DLG2: variants seen among roughly 807,000 people sequenced by gnomAD.
DLG2 encodes discs large MAGUK scaffold protein 2, also known as disks large homolog 2.
DLG2 carries 45 observed loss-of-function variants against 132.5 expected under a neutral mutation model. The observed-to-expected ratio is 0.34, with a 90% CI of 0.27 to 0.44. The LOEUF is 0.44. Ranked by LOEUF, DLG2 falls within the 20% of genes least tolerant of loss-of-function variation. The probability of loss-of-function intolerance (pLI) is 1.00; values close to 1 mark genes in which losing one functional copy is unlikely to be tolerated. For missense variants in DLG2, 1,045 were observed against 1,196.9 expected, an observed-to-expected ratio of 0.87 and a Z score of 1.87; for synonymous variants, 424 against 419.6, an observed-to-expected ratio of 1.01 and a Z score of -0.13.
At chr11:84,255,660 T>C (rs937476021) in intron 7 of DLG2, among the ~76,000 whole-genome samples, 9 of 152,180 alleles carry the variant, frequency 5.9e-5, no homozygotes, top group Admixed American at 3.9e-4. Context: ...TCCTCTTTAA[T>C]TGGATGCCTA....
intron 16 of DLG2, among the ~76,000 whole-genome samples, chr11:83,866,969 A>AT (rs2062510571): frequency 6.6e-6 from 1 of 152,074 alleles, no homozygotes; most frequent in African/African-American, 2.4e-5. Context: ...TTATTCCTCC[A>AT]TTTTTTCTAA....
intron 12 of DLG2, among the ~76,000 whole-genome samples, chr11:83,976,388 A>G (rs2092217195): frequency 6.6e-6 from 1 of 151,992 alleles, no homozygotes; most frequent in Non-Finnish European, 1.5e-5. Context: ...AGAGAAAAAT[A>G]TGCAGAGTGT....
intron 8 of DLG2, among the ~76,000 whole-genome samples, chr11:84,232,258 T>G (rs1269004627): frequency 6.6e-6 from 1 of 152,070 alleles, no homozygotes; most frequent in African/African-American, 2.4e-5. Context: ...TCAGAGCGCT[T>G]ACTATTTTAT....
At position 85,132,915 on chromosome 11, in the gene DLG2, G is replaced by A. The variant is rs76463103; in HGVS notation, c.283-21180C>T. ...AGCAGAGCTTGGATTCTGTACAGAC[G>A]GCTTTTCCAAGGGGGCCCCTCATGG... is the stretch of plus-strand genomic sequence containing the variant. On this transcript the variant is annotated intron_variant, in intron 5 of 27. Coordinates refer to ENST00000376104, the MANE Select transcript of DLG2 (RefSeq NM_001142699.3). The A allele has an allele frequency of 2.3e-3, 1,010 of 440,156 alleles. 1 individual carries two copies. Among genetic ancestry groups the A allele is most frequent in the Non-Finnish European group, 3.5e-3 (765 of 216,854 alleles). 27.3% of individuals were successfully genotyped at this position (440,156 alleles called of 1,614,324 possible).
intron 6 of DLG2, among the ~76,000 whole-genome samples, chr11:84,567,615 G>A (rs565190806): frequency 2.0e-5 from 3 of 152,200 alleles, no homozygotes; most frequent in South Asian, 2.1e-4. Context: ...ATGCATATCT[G>A]CCATACTGTT....
intron 7 of DLG2, among the ~76,000 whole-genome samples, chr11:84,378,786 A>G (rs2098739184): frequency 6.6e-6 from 1 of 151,318 alleles, no homozygotes; most frequent in Non-Finnish European, 1.5e-5. Flanking sequence ...AAAAATACAA[A>G]AAAAAAAAAT....
intron 2 of DLG2, among the ~76,000 whole-genome samples, chr11:85,625,978 G>GA (rs1371571533): frequency 6.6e-6 from 1 of 152,090 alleles, no homozygotes; most frequent in South Asian, 2.1e-4. Flanking sequence ...GAGGAGGGAG[G>GA]AAAAAAACAG....
intron 7 of DLG2, among the ~76,000 whole-genome samples, chr11:84,350,627 G>A (rs2098560011): frequency 6.6e-6 from 1 of 152,160 alleles, no homozygotes; most frequent in Non-Finnish European, 1.5e-5. Flanking sequence ...TTAGCATATA[G>A]TTATACAGTT....
Position 84,700,244 on chromosome 11 carries a change from T to C in DLG2, c.358-165513A>G, listed in dbSNP as rs563996755. Among the ~76,000 whole-genome samples the C allele has an allele frequency of 1.1e-4, 17 of 151,668 alleles. No homozygotes were observed. In the South Asian group the frequency reaches 3.5e-3, roughly 31 times the overall value. ...AATTATAGCATCAAGAGAAAATAAT[T>C]ACTCAAGATAATTTGGAGTACACTG... On this transcript the variant is annotated intron_variant, in intron 6 of 27. Transcript: ENST00000376104.
intron 6 of DLG2, among the ~76,000 whole-genome samples, chr11:84,584,349 T>C (rs896564419): frequency 1.3e-5 from 2 of 151,958 alleles, no homozygotes; most frequent in African/African-American, 4.8e-5. Flanking sequence ...TATTGAACAT[T>C]TTTCTGTTGT....
At chr11:85,246,135 T>A (rs900239844) in intron 4 of DLG2, among the ~76,000 whole-genome samples, 1 of 152,024 alleles carries the variant, frequency 6.6e-6, no homozygotes, top group Non-Finnish European at 1.5e-5. Flanking sequence ...ATGTGAATTA[T>A]AAAATTCAGG....
At chr11:84,833,022 T>C (rs1455511676) in intron 6 of DLG2, among the ~76,000 whole-genome samples, 2 of 150,910 alleles carry the variant, frequency 1.3e-5, no homozygotes, top group Non-Finnish European at 3.0e-5. Flanking sequence ...TGTTGGACTA[T>C]GATTTTTAAT....
intron 6 of DLG2, among the ~76,000 whole-genome samples, chr11:84,773,603 C>A (rs2069819583): frequency 6.6e-6 from 1 of 152,088 alleles, no homozygotes; most frequent in Non-Finnish European, 1.5e-5. Flanking sequence ...TCCTGGGATG[C>A]AAAGTTGGTT....
At chr11:85,243,612 G>C (rs1030857666) in intron 4 of DLG2, among the ~76,000 whole-genome samples, 5 of 151,926 alleles carry the variant, frequency 3.3e-5, no homozygotes, top group African/African-American at 1.2e-4. Context: ...GCAGCAGTTG[G>C]CCTTACCAAT....
chr11:84,292,982 C>G (rs1265806094), intron 7 of DLG2, among the ~76,000 whole-genome samples: 1 of 152,100 alleles, frequency 6.6e-6, no homozygotes, highest in East Asian at 1.9e-4. Context: ...ATTGGGCAGA[C>G]AGGCTGTAGG....
rs182307071 is a variant in DLG2, at chr11:84,395,158, T to C, written c.519+139412A>G. ...GTTTTTAATTTCAATTTGTTTATTTTATTAAAGTTCTCTTTATTTTTTTTT... is the reference window on the plus strand; with the variant it reads ...GTTTTTAATTTCAATTTGTTTATTTCATTAAAGTTCTCTTTATTTTTTTTT... On this transcript the variant is annotated intron_variant, in intron 7 of 27. Coordinates refer to ENST00000376104, the MANE Select transcript of DLG2 (RefSeq NM_001142699.3). Among the ~76,000 whole-genome samples, 4 of 152,346 alleles carry C rather than the reference T, an allele frequency of 2.6e-5. No homozygotes were observed. In the East Asian group the frequency reaches 7.7e-4, roughly 29 times the overall value.
At chr11:83,955,751 G>C (rs1259649471) in intron 14 of DLG2, among the ~76,000 whole-genome samples, 1 of 152,292 alleles carries the variant, frequency 6.6e-6, no homozygotes, top group Non-Finnish European at 1.5e-5. Flanking sequence ...ATAAAAGCAG[G>C]CAGAGGAACA....
chr11:84,469,186 T>C (rs972075038), intron 7 of DLG2, among the ~76,000 whole-genome samples: 1 of 151,708 alleles, frequency 6.6e-6, no homozygotes, highest in African/African-American at 2.4e-5. Flanking sequence ...AGTTAAATGA[T>C]GAATAGGTTT....
chr11:84,737,766 T>C (rs948338697), intron 6 of DLG2, among the ~76,000 whole-genome samples: 1 of 151,862 alleles, frequency 6.6e-6, no homozygotes, highest in Non-Finnish European at 1.5e-5. Flanking sequence ...GATAAATAGT[T>C]CAACTCAAGG....
Sources: gnomAD v4.1 joint callset for allele counts (sites outside exome capture counted in the v4.1 genomes callset) on GRCh38, gnomAD v4.1.1 for gene constraint, MANE v1.5 for transcripts, NCBI Gene and HGNC (gene_info 2026-07-23, HGNC 2026-07-21) for gene names.